The following CHN2 variants were observed in gnomAD, a reference collection of about 807,000 sequenced individuals.
The protein encoded by CHN2 is chimerin 2.
Under a neutral mutation model 56.3 loss-of-function variants are expected in CHN2, and 35 were observed. The ratio of observed to expected loss-of-function variants is 0.62; its 90% CI spans 0.47 to 0.82. The LOEUF is 0.82. Ranked by LOEUF, CHN2 falls within the 40% of genes least tolerant of loss-of-function variation. CHN2 has a pLI of 0.00. For missense variants in CHN2, 491 were observed against 580.5 expected (o/e 0.85, Z 1.58); for synonymous variants, 210 against 212.8 (o/e 0.99, Z 0.12).
rs535500795 is a variant in CHN2, at chr7:29,383,751, C to T, written c.145-9928C>T. Among the ~76,000 whole-genome samples, 9 of 152,062 alleles carry T rather than the reference C, an allele frequency of 5.9e-5. No homozygotes were observed. The South Asian group carries it at 1.2e-3, about 21-fold the overall frequency. ...TTAAGGAGGGTGGTCTGGGAAGGTCCGACTGAGTTGTGTATGTTTGACCAT... is the reference window on the plus strand; with the variant it reads ...TTAAGGAGGGTGGTCTGGGAAGGTCTGACTGAGTTGTGTATGTTTGACCAT... On this transcript the variant is annotated intron_variant, in intron 3 of 12. Transcript: ENST00000222792.
At chr7:29,471,022 C>T (rs1785983005) in intron 6 of CHN2, among the ~76,000 whole-genome samples, 3 of 152,160 alleles carry the variant, frequency 2.0e-5, no homozygotes, top group African/African-American at 7.2e-5. Context: ...CTGCTTCTCC[C>T]TTAGGTTTTA....
intron 9 of CHN2, among the ~76,000 whole-genome samples, chr7:29,500,600 G>A (rs552056629): frequency 7.2e-4 from 110 of 152,256 alleles, no homozygotes; most frequent in African/African-American, 2.5e-3. Flanking sequence ...GTGGATGGCC[G>A]TGTTCAGGGT....
intron 2 of CHN2, among the ~76,000 whole-genome samples, chr7:29,151,504 C>T (rs1046475880): frequency 1.3e-5 from 2 of 152,190 alleles, no homozygotes; most frequent in Non-Finnish European, 2.9e-5. Flanking sequence ...CTAAGGACAG[C>T]TGAGCAAGCC....
At chr7:29,293,206 C>A (rs1009838614) in intron 1 of CHN2, among the ~76,000 whole-genome samples, 1 of 152,202 alleles carries the variant, frequency 6.6e-6, no homozygotes, top group Non-Finnish European at 1.5e-5. Context: ...GCCCCATTCA[C>A]TGGTCCATTA....
intron 6 of CHN2, among the ~76,000 whole-genome samples, chr7:29,402,681 G>C (rs1003168468): frequency 6.6e-6 from 1 of 152,184 alleles, no homozygotes; most frequent in Admixed American, 6.5e-5. Context: ...ACAGCTCAAG[G>C]AAAAGAGGAG....
chr7:29,235,885 A>T (rs1365039658), intron 1 of CHN2, among the ~76,000 whole-genome samples: 1 of 152,154 alleles, frequency 6.6e-6, no homozygotes, highest in East Asian at 1.9e-4. Flanking sequence ...GCCGGCTTGA[A>T]GGTGGAGGGT....
intron 12 of CHN2, 38 bp downstream of exon 12, chr7:29,509,444 C>G (rs1360608755): frequency 2.7e-6 from 4 of 1,495,676 alleles, no homozygotes; most frequent in Non-Finnish European, 3.7e-6. Context: ...TGCTCTGCTC[C>G]TAGAGCGGTT....
intron 1 of CHN2, among the ~76,000 whole-genome samples, chr7:29,321,858 C>T (rs900660551): frequency 1.4e-4 from 22 of 152,062 alleles, no homozygotes; most frequent in South Asian, 4.1e-4. Flanking sequence ...CGTGAGCCAC[C>T]GCGCCCAGCC....
chr7:29,306,427 C>G (rs1255035212), intron 1 of CHN2, among the ~76,000 whole-genome samples: 1 of 152,138 alleles, frequency 6.6e-6, no homozygotes, highest in East Asian at 1.9e-4. Context: ...AGAGGATTCA[C>G]AAAGCAGCAA....
At chr7:29,262,010 A>G (rs1789593263) in intron 1 of CHN2, among the ~76,000 whole-genome samples, 2 of 152,150 alleles carry the variant, frequency 1.3e-5, no homozygotes, top group African/African-American at 4.8e-5. Flanking sequence ...TCTACAAAAC[A>G]TACAAAAATT....
At chr7:29,148,061 G>A (rs1304129965) in intron 2 of CHN2, among the ~76,000 whole-genome samples, 1 of 152,172 alleles carries the variant, frequency 6.6e-6, no homozygotes, top group Non-Finnish European at 1.5e-5. Flanking sequence ...CACCTCTTGG[G>A]CACAAGAGTA....
chr7:29,215,041 A>T (rs1309457163), intron 1 of CHN2, among the ~76,000 whole-genome samples: 2 of 152,146 alleles, frequency 1.3e-5, no homozygotes, highest in Admixed American at 6.6e-5. Flanking sequence ...CTTCTTGGAA[A>T]CTTTTTTTTG....
intron 1 of CHN2, among the ~76,000 whole-genome samples, chr7:29,346,150 A>G (rs1314004420): frequency 2.0e-5 from 3 of 152,182 alleles, no homozygotes; most frequent in African/African-American, 7.2e-5. Flanking sequence ...GATGACCTCC[A>G]GGTAGTCTCG....
In CHN2 at chr7:29,337,867, G is replaced by A. The variant is rs958623206; in HGVS notation, c.50-16758G>A. On this transcript the variant is annotated intron_variant, in intron 1 of 12. Transcript: ENST00000222792. Reference sequence around the variant, plus strand: ...GTCTGAAGTGTTGCTAATGCAGTGCGTGTGATCTTTAGAAATATTTTCCCT... The same window carrying A: ...GTCTGAAGTGTTGCTAATGCAGTGCATGTGATCTTTAGAAATATTTTCCCT... Among the ~76,000 whole-genome samples the A allele has an allele frequency of 5.9e-5, 9 of 152,286 alleles. No homozygotes were observed. In the South Asian group the frequency reaches 1.0e-3, roughly 18 times the overall value.
At chr7:29,362,519 TACAG>T (rs1366513761) in intron 2 of CHN2, among the ~76,000 whole-genome samples, 2 of 152,212 alleles carry the variant, frequency 1.3e-5, no homozygotes, top group African/African-American at 4.8e-5. Context: ...GTCCCTTTGT[TACAG>T]ACAGGAGGAC....
intron 1 of CHN2, among the ~76,000 whole-genome samples, chr7:29,245,543 T>C (rs1390880222): frequency 6.6e-6 from 1 of 152,220 alleles, no homozygotes; most frequent in Non-Finnish European, 1.5e-5. Flanking sequence ...ATTTTATGCA[T>C]TTTTAACCAC....
At chr7:29,426,038 G>C (rs558416130) in intron 6 of CHN2, among the ~76,000 whole-genome samples, 3 of 151,608 alleles carry the variant, frequency 2.0e-5, no homozygotes, top group African/African-American at 7.3e-5. Flanking sequence ...GTGAAACCTG[G>C]TCTCTACTAA....
intron 1 of CHN2, among the ~76,000 whole-genome samples, chr7:29,320,946 GA>G (rs1795296849): frequency 6.6e-6 from 1 of 152,168 alleles, no homozygotes; most frequent in South Asian, 2.1e-4. Flanking sequence ...CACTTAAAAT[GA>G]GGTCCAATAC....
At chr7:29,439,585 A>G (rs142502434) in intron 6 of CHN2, among the ~76,000 whole-genome samples, 6 of 152,126 alleles carry the variant, frequency 3.9e-5, no homozygotes, top group African/African-American at 1.2e-4. Flanking sequence ...CACATCCCCC[A>G]TATGACCCTC....
Sources: allele counts gnomAD v4.1 joint callset (sites outside exome capture counted in the v4.1 genomes callset), GRCh38; gene constraint gnomAD v4.1.1; transcripts MANE v1.5; gene names NCBI Gene and HGNC (gene_info 2026-07-23, HGNC 2026-07-21).